DAPK2: variants seen among roughly 807,000 people sequenced by gnomAD.
The protein encoded by DAPK2 is death-associated protein kinase 2.
In DAPK2, 35 loss-of-function variants were observed where a neutral mutation model predicts 44.1. The ratio of observed to expected loss-of-function variants is 0.79; its 90% CI spans 0.61 to 1.05. The LOEUF is 1.05. Ranked by LOEUF, DAPK2 falls within the 50% of genes least tolerant of loss-of-function variation. The pLI, the probability that DAPK2 is intolerant of heterozygous loss-of-function variation, is 0.00. For synonymous variants in DAPK2, 174 were observed against 182.6 expected, an observed-to-expected ratio of 0.95 and a Z score of 0.38; for missense variants, 453 against 483.2, an observed-to-expected ratio of 0.94 and a Z score of 0.59.
Position 63,942,413 on chromosome 15 carries a change from G to A in DAPK2, c.454-3052C>T, listed in dbSNP as rs375577527. ...CTACAAATATAAAAATTAGCTGGGCGTGGTGGCATGCACCTATAATCCTAG... is the reference window on the plus strand; with the variant it reads ...CTACAAATATAAAAATTAGCTGGGCATGGTGGCATGCACCTATAATCCTAG... On this transcript the variant is annotated intron_variant, in intron 3 of 10. Transcript: ENST00000261891. 314 of 165,156 alleles carry A rather than the reference G, an allele frequency of 1.9e-3. 1 individual carries two copies. Among genetic ancestry groups the A allele is most frequent in the African/African-American group, 6.8e-3 (283 of 41,706 alleles). 10.2% of individuals were successfully genotyped at this position (165,156 alleles called of 1,614,324 possible). A position where few individuals can be genotyped will look rare whatever the true frequency, so the allele number is the denominator to read the frequency against.
At position 63,994,745 on chromosome 15, in the gene DAPK2, A is replaced by G. The variant is rs868542763; in HGVS notation, c.93-10991T>C. Among the ~76,000 whole-genome samples, 32 of 152,118 alleles carry G rather than the reference A, an allele frequency of 2.1e-4. 1 individual carries two copies. The highest frequency in any genetic ancestry group is 7.5e-4 in the African/African-American group (31 of 41,508). On this transcript the variant is annotated intron_variant, in intron 1 of 10. Coordinates refer to ENST00000261891, the Ensembl canonical transcript of DAPK2. ...GCTGGGATTACAGGCATCCGCCACC[A>G]TGCCTGGCTAATTTTTGTATTTTTA...
intron 1 of DAPK2, among the ~76,000 whole-genome samples, chr15:64,022,452 A>T (rs2079711730): frequency 6.6e-6 from 1 of 152,200 alleles, no homozygotes; most frequent in African/African-American, 2.4e-5. Context: ...CACCCAATAG[A>T]CAAGTTCCCT....
In DAPK2 at chr15:63,990,160, G is replaced by A. The variant is rs886879389; in HGVS notation, c.93-6406C>T. 6.6e-6 allele frequency among the ~76,000 whole-genome samples: 1 copy of A among 152,112 alleles called. No individual in the cohort carries two copies. The highest frequency in any genetic ancestry group is 1.5e-5 in the Non-Finnish European group (1 of 68,024). On this transcript the variant is annotated intron_variant, in intron 1 of 10. Transcript: ENST00000261891. The surrounding 1 kb of genome is among the most constrained non-coding windows in gnomAD (Gnocchi z 4.3). ...GCTAAAGGCTTTGAAAGATCTATGG[G>A]CTGGGTGTGGTTGTTGTAATCCCAG...
intron 1 of DAPK2, among the ~76,000 whole-genome samples, chr15:64,023,654 T>A (rs1416059123): frequency 6.6e-6 from 1 of 152,170 alleles, no homozygotes; most frequent in Non-Finnish European, 1.5e-5. Context: ...AAAATACTGA[T>A]GCCAGGGCCT....
At position 63,917,952 on chromosome 15, in the gene DAPK2, T is replaced by TC. The variant is rs1251672761; in HGVS notation, c.859-5756dup. The TC allele has an allele frequency of 2.0e-5, 3 of 152,206 alleles. No individual in the cohort carries two copies. Among genetic ancestry groups the TC allele is most frequent in the African/African-American group, 7.2e-5 (3 of 41,438 alleles). 9.4% of individuals were successfully genotyped at this position (152,206 alleles called of 1,614,324 possible). A position where few individuals can be genotyped will look rare whatever the true frequency, so the allele number is the denominator to read the frequency against. ...GTCCCCATCTGCCCCAGACACTGAA[T>TC]CTTTTATTTGAGGTTATCTTGTCCT... On this transcript the variant is annotated intron_variant, in intron 8 of 10. Coordinates refer to ENST00000261891, the Ensembl canonical transcript of DAPK2. The surrounding 1 kb of genome is among the most constrained non-coding windows in gnomAD (Gnocchi z 4.4).
chr15:64,009,792 C>G (rs543725881), intron 1 of DAPK2, among the ~76,000 whole-genome samples: 1 of 152,212 alleles, frequency 6.6e-6, no homozygotes, highest in African/African-American at 2.4e-5. Context: ...CTGTTAAGGG[C>G]AGGGCAATGT....
At chr15:64,043,171 C>T (rs1166269086), upstream of DAPK2, among the ~76,000 whole-genome samples, 7 of 152,118 alleles carry the variant, frequency 4.6e-5, no homozygotes, top group South Asian at 2.1e-4. Context: ...TGAGTATGTG[C>T]GGCAACTAGA....
intron 3 of DAPK2, among the ~76,000 whole-genome samples, chr15:63,962,690 C>T (rs1262143194): frequency 2.0e-5 from 3 of 152,224 alleles, no homozygotes; most frequent in Non-Finnish European, 4.4e-5. Context: ...GTAGATGTTG[C>T]TGCCTGATCC....
intron 3 of DAPK2, among the ~76,000 whole-genome samples, chr15:63,957,528 C>T (rs1203812793): frequency 1.6e-5 from 2 of 122,360 alleles, no homozygotes; most frequent in Non-Finnish European, 3.3e-5. Context: ...CATGACAGGC[C>T]CCGGTGTGTG....
At chr15:64,033,287 G>A (rs12914925) in intron 1 of DAPK2, among the ~76,000 whole-genome samples, 12,827 of 51,152 alleles carry the variant, frequency 0.25, 1,537 homozygotes, top group East Asian at 0.43. Flanking sequence ...AGGGGGAAGG[G>A]GGAAGGAAGG....
At chr15:64,040,970 G>A (rs2080340499), upstream of DAPK2, among the ~76,000 whole-genome samples, 1 of 151,284 alleles carries the variant, frequency 6.6e-6, no homozygotes, top group Non-Finnish European at 1.5e-5. Context: ...AGTCTTGCTT[G>A]GGTAAGCCAC....
At chr15:64,040,076 T>C (rs2080312435) in intron 1 of DAPK2, 94 bp downstream of exon 2, 1 of 956,180 alleles carries the variant, frequency 1.0e-6, no homozygotes, top group Non-Finnish European at 1.7e-6. Flanking sequence ...ACTGGTCCTG[T>C]GGCCCTGCCT....
At chr15:63,924,304 G>A (rs939113827) in intron 8 of DAPK2, among the ~76,000 whole-genome samples, 5 of 152,144 alleles carry the variant, frequency 3.3e-5, no homozygotes, top group African/African-American at 4.8e-5. Flanking sequence ...CCTAACAGTG[G>A]CTGTCTCTCT....
rs1469290768 is a variant in DAPK2 at position 63,923,330 on chromosome 15, C to T, written c.858+1486G>A. The T allele has an allele frequency of 2.2e-5, 34 of 1,534,912 alleles. No homozygotes were observed. Among genetic ancestry groups the T allele is most frequent in the Non-Finnish European group, 2.9e-5 (33 of 1,146,046 alleles). ...TGTCTTCCGCTGTTCAGGGGCTCTGCCTTCTCCTTTTGACTGGTGGGTGTT... is the reference window on the plus strand; with the variant it reads ...TGTCTTCCGCTGTTCAGGGGCTCTGTCTTCTCCTTTTGACTGGTGGGTGTT... On this transcript the variant is annotated intron_variant, in intron 8 of 10. Coordinates refer to ENST00000261891, the Ensembl canonical transcript of DAPK2. The surrounding 1 kb of genome is among the most constrained non-coding windows in gnomAD (Gnocchi z 4.2).
chr15:63,979,496 T>C (rs957555483), intron 2 of DAPK2, among the ~76,000 whole-genome samples: 1 of 152,202 alleles, frequency 6.6e-6, no homozygotes, highest in African/African-American at 2.4e-5. Flanking sequence ...ACTGGGCAGC[T>C]TTCAACTGAG....
At chr15:63,936,351 C>T (rs766835493) in intron 4 of DAPK2, among the ~76,000 whole-genome samples, 7 of 152,182 alleles carry the variant, frequency 4.6e-5, no homozygotes, top group Non-Finnish European at 1.0e-4. Flanking sequence ...TGGCTCACGT[C>T]GGTAATCCCA....
rs2078923734 is a variant in DAPK2 at position 63,916,277 on chromosome 15, T to G, written c.859-4080A>C. On this transcript the variant is annotated intron_variant, in intron 8 of 10. Coordinates refer to ENST00000261891, the Ensembl canonical transcript of DAPK2. The surrounding 1 kb of genome is among the most constrained non-coding windows in gnomAD (Gnocchi z 4.7). The stretch of plus-strand genomic sequence containing the variant: ...CCGCTGCTAAGGCATGAAAAAGGAA[T>G]CCTGGCTTTACTGAAGAGGCGACTC... The G allele has an allele frequency of 1.3e-5, 2 of 152,568 alleles. No homozygotes were observed. Among genetic ancestry groups the G allele is most frequent in the Non-Finnish European group, 2.9e-5 (2 of 68,458 alleles). The allele number at this position is 152,568 out of a possible 1,614,324, so 9.5% of individuals were successfully genotyped here.
At chr15:63,940,519 C>T (rs866465913) in intron 3 of DAPK2, among the ~76,000 whole-genome samples, 9 of 151,884 alleles carry the variant, frequency 5.9e-5, no homozygotes, top group Middle Eastern at 3.4e-3. Context: ...GAGACCAGCC[C>T]GGCCAACATG....
chr15:64,036,954 A>G (rs532799379), intron 1 of DAPK2, among the ~76,000 whole-genome samples: 9 of 152,022 alleles, frequency 5.9e-5, no homozygotes, highest in Non-Finnish European at 1.3e-4. Flanking sequence ...ATGAACACTT[A>G]CCCCATGCCC....
Sources: gnomAD v4.1 joint callset for allele counts (sites outside exome capture counted in the v4.1 genomes callset) on GRCh38, gnomAD v4.1.1 for gene constraint, Gnocchi (gnomAD v3.1) non-coding constraint, MANE v1.5 for transcripts, NCBI Gene and HGNC (gene_info 2026-07-23, HGNC 2026-07-21) for gene names.